Variants in SEL1L2 observed in about 807,000 individuals in gnomAD.
SEL1L2 encodes protein sel-1 homolog 2.
In SEL1L2, 89 loss-of-function variants were observed where a neutral mutation model predicts 98.8. The ratio of observed to expected loss-of-function variants is 0.90; its 90% CI spans 0.76 to 1.07. The LOEUF (loss-of-function observed/expected upper bound fraction) is 1.07, where lower values mean the gene tolerates loss of function less well. SEL1L2 is among the 50% of genes least tolerant of loss of function. The pLI, the probability that SEL1L2 is intolerant of heterozygous loss-of-function variation, is 0.00. For missense variants in SEL1L2, 788 were observed against 812.0 expected, an observed-to-expected ratio of 0.97 and a Z score of 0.36; for synonymous variants, 262 against 278.5, an observed-to-expected ratio of 0.94 and a Z score of 0.59.
chr20:13,982,755 G>A (rs1437044829), intron 1 of SEL1L2, among the ~76,000 whole-genome samples: 1 of 151,338 alleles, frequency 6.6e-6, no homozygotes. Context: ...GGCCAGGCAC[G>A]GTGGCTCACA....
chr20:13,970,222 T>A (rs1457597165), intron 1 of SEL1L2, among the ~76,000 whole-genome samples: 1 of 152,304 alleles, frequency 6.6e-6, no homozygotes, highest in South Asian at 2.1e-4. Flanking sequence ...TCTTCTGACA[T>A]ACCGTGAAAT....
At chr20:13,982,235 C>T (rs2051862260) in intron 1 of SEL1L2, among the ~76,000 whole-genome samples, 1 of 151,902 alleles carries the variant, frequency 6.6e-6, no homozygotes, top group African/African-American at 2.4e-5. Flanking sequence ...ATGGGGCCAG[C>T]CATGGTGGCT....
chr20:13,908,141 A>C (rs760721968), intron 5 of SEL1L2, among the ~76,000 whole-genome samples: 1 of 50,932 alleles, frequency 2.0e-5, no homozygotes, highest in Non-Finnish European at 3.5e-5. Flanking sequence ...TTTTTGAGAC[A>C]GGGTTTTGCT....
intron 18 of SEL1L2, among the ~76,000 whole-genome samples, chr20:13,855,792 T>TCACTTC (rs1342925962): frequency 3.9e-5 from 6 of 152,238 alleles, no homozygotes; most frequent in Admixed American, 2.0e-4. Flanking sequence ...CCCTTCACTT[T>TCACTTC]CACTTCCACT....
chr20:13,975,519 C>A (rs1418710128), intron 1 of SEL1L2, among the ~76,000 whole-genome samples: 1 of 152,164 alleles, frequency 6.6e-6, no homozygotes, highest in African/African-American at 2.4e-5. Flanking sequence ...CTACTAAACT[C>A]TGTTCTTCAG....
At chr20:13,938,077 T>TCTTTG (rs2049543660) in intron 2 of SEL1L2, among the ~76,000 whole-genome samples, 1 of 145,280 alleles carries the variant, frequency 6.9e-6, no homozygotes, top group Admixed American at 7.1e-5. Context: ...TTTTCTTTTT[T>TCTTTG]CTTTTCTTTT....
At chr20:13,865,589 A>T (rs1206589837) in intron 15 of SEL1L2, 75 bp from the exon 16 acceptor site, 17 of 1,300,338 alleles carry the variant, frequency 1.3e-5, no homozygotes, top group Non-Finnish European at 1.7e-5. Flanking sequence ...AAAGGAAATC[A>T]GTCTTCAGCT....
intron 3 of SEL1L2, among the ~76,000 whole-genome samples, chr20:13,929,338 C>T (rs1401007293): frequency 6.6e-6 from 1 of 151,912 alleles, no homozygotes; most frequent in Non-Finnish European, 1.5e-5. Context: ...TCTAACGTTC[C>T]TTTTTACTCT....
intron 1 of SEL1L2, among the ~76,000 whole-genome samples, chr20:13,975,022 A>T (rs2051469727): frequency 6.6e-6 from 1 of 152,096 alleles, no homozygotes; most frequent in African/African-American, 2.4e-5. Context: ...ATTCTCTTCA[A>T]TCCCAGCATT....
intron 17 of SEL1L2, among the ~76,000 whole-genome samples, chr20:13,860,526 T>C (rs1459114932): frequency 5.9e-5 from 9 of 152,238 alleles, no homozygotes; most frequent in Non-Finnish European, 1.3e-4. Flanking sequence ...TTGATGGCAC[T>C]GCCTTCTCTT....
At chr20:13,974,429 G>A (rs906968706) in intron 1 of SEL1L2, among the ~76,000 whole-genome samples, 1 of 150,872 alleles carries the variant, frequency 6.6e-6, no homozygotes, top group African/African-American at 2.4e-5. Flanking sequence ...GAACTGCTAG[G>A]CTGCTCCTAC....
intron 3 of SEL1L2, among the ~76,000 whole-genome samples, chr20:13,926,199 C>CA (rs764094765): frequency 5.9e-5 from 9 of 152,178 alleles, no homozygotes; most frequent in Non-Finnish European, 1.3e-4. Flanking sequence ...CCCGTAGTCC[C>CA]AGCTACTCAG....
chr20:13,881,738 G>C (rs1303376970), intron 10 of SEL1L2, among the ~76,000 whole-genome samples: 2 of 152,152 alleles, frequency 1.3e-5, no homozygotes, highest in East Asian at 3.8e-4. Flanking sequence ...TCATTTCCAG[G>C]TATCTTGAAA....
intron 1 of SEL1L2, among the ~76,000 whole-genome samples, chr20:13,980,738 G>A (rs1481041148): frequency 5.3e-5 from 8 of 152,130 alleles, no homozygotes; most frequent in Non-Finnish European, 1.0e-4. Flanking sequence ...AACAACCTAA[G>A]TGTCCATCAA....
intron 2 of SEL1L2, among the ~76,000 whole-genome samples, chr20:13,945,010 C>T: frequency 6.6e-6 from 1 of 152,194 alleles, no homozygotes; most frequent in Non-Finnish European, 1.5e-5. Context: ...GCCTGATTCT[C>T]TTTTCCCAGC....
At chr20:13,853,207 T>TC (rs1345177240) in intron 18 of SEL1L2, among the ~76,000 whole-genome samples, 2 of 152,134 alleles carry the variant, frequency 1.3e-5, no homozygotes, top group Non-Finnish European at 2.9e-5. Context: ...CCTATAATTT[T>TC]TTTTTTTTGA....
At chr20:13,945,510 C>T (rs7274573) in intron 2 of SEL1L2, among the ~76,000 whole-genome samples, 24,252 of 150,366 alleles carry the variant, frequency 0.16, 2,005 homozygotes, top group East Asian at 0.21. Flanking sequence ...ATTTACATTT[C>T]TAAAAGTTTT....
chr20:13,918,248 C>T (rs959570547), intron 4 of SEL1L2, among the ~76,000 whole-genome samples: 2 of 152,070 alleles, frequency 1.3e-5, no homozygotes, highest in Non-Finnish European at 2.9e-5. Context: ...TTGCATTATC[C>T]GGGTCACAGA....
chr20:13,994,779 G>C (rs559372780), upstream of SEL1L2, among the ~76,000 whole-genome samples: 3 of 152,304 alleles, frequency 2.0e-5, no homozygotes, highest in East Asian at 5.8e-4. Flanking sequence ...ATCTGGATTT[G>C]TTTTGACGTA....
Sources: allele counts gnomAD v4.1 joint callset (sites outside exome capture counted in the v4.1 genomes callset), GRCh38; gene constraint gnomAD v4.1.1; transcripts MANE v1.5; gene names NCBI Gene and HGNC (gene_info 2026-07-23, HGNC 2026-07-21).